Variants in MAML3 observed in about 807,000 individuals in gnomAD.
MAML3 encodes the protein mastermind like transcriptional coactivator 3.
A neutral mutation model predicts 101.9 loss-of-function variants in MAML3; 27 were observed. That is an observed-to-expected ratio of 0.27 (90% CI 0.20 to 0.37). MAML3 has a LOEUF of 0.37. MAML3 is among the 10% of genes least tolerant of loss of function. The pLI, the probability that MAML3 is intolerant of heterozygous loss-of-function variation, is 1.00. For synonymous variants in MAML3, 501 were observed against 555.9 expected, an observed-to-expected ratio of 0.90 and a Z score of 1.39; for missense variants, 1,316 against 1,444.9, an observed-to-expected ratio of 0.91 and a Z score of 1.45.
rs554449750 is a variant in MAML3, at chr4:139,719,231, A to C, written c.*92T>G. On this transcript the variant is annotated 3_prime_UTR_variant, in exon 5 of 5. Transcript: ENST00000509479. ...TTTTGCTCAGTTTACGTGGGTCAAA[A>C]AAACAAAAAACAAGGATGGGTCAAC... 9.3e-4 allele frequency: 1,346 copies of C among 1,451,168 alleles called. 5 individuals are homozygous for C. Among genetic ancestry groups the C allele is most frequent in the Middle Eastern group, 4.0e-3 (19 of 4,706 alleles). 89.9% of individuals were successfully genotyped at this position (1,451,168 alleles called of 1,614,324 possible).
At chr4:140,004,037 C>T (rs1726393655) in intron 1 of MAML3, among the ~76,000 whole-genome samples, 1 of 152,198 alleles carries the variant, frequency 6.6e-6, no homozygotes, top group Non-Finnish European at 1.5e-5. Context: ...AGAGACTGCA[C>T]ACAGGCACTT....
At chr4:139,921,428 A>G (rs1159678471) in intron 1 of MAML3, among the ~76,000 whole-genome samples, 1 of 152,136 alleles carries the variant, frequency 6.6e-6, no homozygotes, top group African/African-American at 2.4e-5. Context: ...TCTTTCACAA[A>G]TTCAACACCA....
At position 139,725,732 on chromosome 4, in the gene MAML3, G is replaced by A; in HGVS notation, c.2416+19C>T. Reference sequence around the variant, plus strand: ...CACCACTGGAAGGTATAAAATGAGAGAGGTTGCACTGGCCTCACCTTGAAA... The same window carrying A: ...CACCACTGGAAGGTATAAAATGAGAAAGGTTGCACTGGCCTCACCTTGAAA... On this transcript the variant is annotated intron_variant, in intron 4 of 4. Coordinates refer to ENST00000509479, the MANE Select transcript of MAML3 (RefSeq NM_018717.5). The A allele has an allele frequency of 1.2e-6, 2 of 1,611,960 alleles. No individual in the cohort carries two copies. The highest frequency in any genetic ancestry group is 1.7e-6 in the Non-Finnish European group (2 of 1,178,070).
chr4:139,821,401 G>A (rs962847628), intron 2 of MAML3, among the ~76,000 whole-genome samples: 4 of 152,168 alleles, frequency 2.6e-5, no homozygotes, highest in Admixed American at 1.3e-4. Flanking sequence ...TACATGTGAG[G>A]GATCTAGGTT....
intron 2 of MAML3, among the ~76,000 whole-genome samples, chr4:139,845,701 C>A (rs1731431208): frequency 6.6e-6 from 1 of 152,150 alleles, no homozygotes; most frequent in Non-Finnish European, 1.5e-5. Context: ...CTTATTTTCT[C>A]TTTTGTAGTC....
intron 2 of MAML3, among the ~76,000 whole-genome samples, chr4:139,786,373 C>T (rs1011041726): frequency 4.6e-5 from 7 of 151,942 alleles, no homozygotes; most frequent in Admixed American, 3.9e-4. Flanking sequence ...TGGAGTCTCA[C>T]GGTATTTGGG....
chr4:139,762,111 G>A (rs556208123), intron 2 of MAML3, among the ~76,000 whole-genome samples: 1 of 152,324 alleles, frequency 6.6e-6, no homozygotes, highest in Non-Finnish European at 1.5e-5. Flanking sequence ...TCGAGCTGCA[G>A]AATCCTAACT....
chr4:139,928,816 A>T (rs1157504506), intron 1 of MAML3, among the ~76,000 whole-genome samples: 1 of 152,056 alleles, frequency 6.6e-6, no homozygotes, highest in Non-Finnish European at 1.5e-5. Context: ...TAGAGAAGTG[A>T]CCTGTCAGGA....
intron 1 of MAML3, among the ~76,000 whole-genome samples, chr4:139,975,418 C>G (rs1305511324): frequency 6.6e-6 from 1 of 152,172 alleles, no homozygotes; most frequent in African/African-American, 2.4e-5. Context: ...TCCATACACA[C>G]AGGCTCACAC....
At chr4:139,790,628 G>A (rs1447825936) in intron 2 of MAML3, among the ~76,000 whole-genome samples, 2 of 151,994 alleles carry the variant, frequency 1.3e-5, no homozygotes, top group Non-Finnish European at 2.9e-5. Context: ...TTATATAGAT[G>A]GAATTGTGTA....
chr4:140,125,223 A>G (rs1728665794), intron 1 of MAML3, among the ~76,000 whole-genome samples: 1 of 152,198 alleles, frequency 6.6e-6, no homozygotes, highest in Non-Finnish European at 1.5e-5. Context: ...TTTAAAATAA[A>G]AGCTACTCAA....
chr4:139,745,033 G>T (rs902700240), intron 2 of MAML3, among the ~76,000 whole-genome samples: 1 of 152,176 alleles, frequency 6.6e-6, no homozygotes, highest in African/African-American at 2.4e-5. Flanking sequence ...GTTTCTACTC[G>T]CTCTAACATT....
rs765026823 is a variant in MAML3 at position 139,889,804 on chromosome 4, G to C, written c.1632C>G (p.Pro544=). Reference sequence around the variant, plus strand: ...TAGGGTTTTGGTTGTTAAAGGCTTGGGGGTACATCATTGGGCTATTTGGTT... The same window carrying C: ...TAGGGTTTTGGTTGTTAAAGGCTTGCGGGTACATCATTGGGCTATTTGGTT... The part of the protein sequence containing the change: ...AEKPNSPMMY[P]QAFNNQNPIV... The change falls in exon 2 of 5, where the codon CCC becomes CCG. Residue 544 remains proline, a synonymous_variant. Coordinates refer to ENST00000509479, the MANE Select transcript of MAML3 (RefSeq NM_018717.5). 1.2e-6 allele frequency: 2 copies of C among 1,613,846 alleles called. No individual in the cohort carries two copies. The highest frequency in any genetic ancestry group is 2.7e-5 in the African/African-American group (2 of 74,910).
At chr4:139,728,080 T>A (rs1309722926) in intron 3 of MAML3, among the ~76,000 whole-genome samples, 1 of 152,120 alleles carries the variant, frequency 6.6e-6, no homozygotes, top group Non-Finnish European at 1.5e-5. Flanking sequence ...CCAGGCGTGA[T>A]GGTGTTTGCC....
intron 1 of MAML3, among the ~76,000 whole-genome samples, chr4:139,893,863 A>C (rs1376380993): frequency 6.6e-6 from 1 of 152,168 alleles, no homozygotes; most frequent in East Asian, 1.9e-4. Flanking sequence ...TTGGCATAGA[A>C]TAGCTACTGG....
At chr4:139,943,963 C>A (rs549570332) in intron 1 of MAML3, among the ~76,000 whole-genome samples, 1 of 149,860 alleles carries the variant, frequency 6.7e-6, no homozygotes, top group South Asian at 2.1e-4. Context: ...CTCCGCCTCC[C>A]GGGTTCAAGC....
At chr4:139,995,816 T>C (rs1734797405) in intron 1 of MAML3, among the ~76,000 whole-genome samples, 1 of 152,058 alleles carries the variant, frequency 6.6e-6, no homozygotes, top group Non-Finnish European at 1.5e-5. Context: ...CTAATCTTTA[T>C]TGTTTCCTTC....
rs144298962 is a variant in MAML3, at chr4:139,933,872, TG to T, written c.469-42906del. Among the ~76,000 whole-genome samples the T allele has an allele frequency of 2.4e-3, 364 of 152,008 alleles. 2 individuals carry two copies. Among genetic ancestry groups the T allele is most frequent in the Non-Finnish European group, 4.3e-3 (295 of 67,936 alleles). ...AAGAGGCGTCCCAAAGGAAGAGGGA[TG>T]GGGTGGGGGTGTGTGTGAACGAGTG... is the stretch of plus-strand genomic sequence containing the variant. On this transcript the variant is annotated intron_variant, in intron 1 of 4. Transcript: ENST00000509479.
At chr4:139,841,674 A>T (rs1034855794) in intron 2 of MAML3, among the ~76,000 whole-genome samples, 3 of 152,240 alleles carry the variant, frequency 2.0e-5, no homozygotes, top group Non-Finnish European at 4.4e-5. Flanking sequence ...CACTTAGCAG[A>T]TAAAAATGAG....
Sources: allele counts gnomAD v4.1 joint callset (sites outside exome capture counted in the v4.1 genomes callset), GRCh38; gene constraint gnomAD v4.1.1; transcripts MANE v1.5; gene names NCBI Gene and HGNC (gene_info 2026-07-23, HGNC 2026-07-21).